The following UPB1 variants were observed in gnomAD, a reference collection of about 807,000 sequenced individuals.
UPB1 encodes beta-ureidopropionase 1.
UPB1 carries 40 observed loss-of-function variants against 49.1 expected under a neutral mutation model. The ratio of observed to expected loss-of-function variants is 0.81; its 90% CI spans 0.63 to 1.06. The LOEUF (loss-of-function observed/expected upper bound fraction) is 1.06, where lower values mean the gene tolerates loss of function less well. Among genes scored for constraint, UPB1 ranks in the 50% least tolerant of loss-of-function variants. The pLI, the probability that UPB1 is intolerant of heterozygous loss-of-function variation, is 0.00. For missense variants in UPB1, 499 were observed against 505.9 expected, an observed-to-expected ratio of 0.99 and a Z score of 0.13; for synonymous variants, 207 against 198.2, an observed-to-expected ratio of 1.04 and a Z score of -0.38.
chr22:24,497,999 C>T (rs1007957069), intron 1 of UPB1, among the ~76,000 whole-genome samples: 6 of 152,140 alleles, frequency 3.9e-5, no homozygotes, highest in South Asian at 2.1e-4. Flanking sequence ...CATCTGGCTG[C>T]GGTCTCTTTC....
intron 6 of UPB1, chr22:24,519,906 GGA>G (rs2044357269): frequency 3.8e-6 from 1 of 262,162 alleles, no homozygotes. Flanking sequence ...GCATTCACCA[GGA>G]GAGGTTCTGC....
intron 9 of UPB1, 77 bp downstream of exon 9, chr22:24,523,850 G>A: frequency 1.9e-6 from 3 of 1,606,346 alleles, no homozygotes; most frequent in Non-Finnish European, 2.5e-6. Flanking sequence ...TGCTGTTGCG[G>A]GGTTGCCCAT....
rs2044492716 is a variant in UPB1, at chr22:24,527,707, C to T, written c.*1913C>T. 2.6e-5 allele frequency: 4 copies of T among 152,092 alleles called. No homozygotes were observed. The South Asian group carries it at 8.3e-4, about 32-fold the overall frequency. 9.4% of individuals were successfully genotyped at this position (152,092 alleles called of 1,614,324 possible). A position where few individuals can be genotyped will look rare whatever the true frequency, so the allele number is the denominator to read the frequency against. On this transcript the variant is annotated 3_prime_UTR_variant, in exon 10 of 10. Transcript: ENST00000326010. ...GGACAGCCACCAAGGATGAGAAACCCTGATGGAGCTGCCTGGCCACAGCTC... is the reference window on the plus strand; with the variant it reads ...GGACAGCCACCAAGGATGAGAAACCTTGATGGAGCTGCCTGGCCACAGCTC...
intron 1 of UPB1, among the ~76,000 whole-genome samples, 178 bp from the exon 2 acceptor site, chr22:24,499,916 GTTCAGTGTAGTGT>G (rs2043959901): frequency 1.3e-5 from 2 of 152,206 alleles, no homozygotes; most frequent in Admixed American, 1.3e-4. Context: ...TAAAGTCCAG[GTTCAGTGTAGTGT>G]TCTGTCATGG....
chr22:24,515,424 C>A, intron 6 of UPB1, 54 bp downstream of exon 6: 1 of 1,612,278 alleles, frequency 6.2e-7, no homozygotes, highest in Non-Finnish European at 8.5e-7. Flanking sequence ...CAGCTAAAGC[C>A]CAAGGCTGGG....
rs916771716 is a variant in UPB1 at position 24,528,204 on chromosome 22, A to G, written c.*2410A>G. On this transcript the variant is annotated 3_prime_UTR_variant, in exon 10 of 10. Coordinates refer to ENST00000326010, the MANE Select transcript of UPB1 (RefSeq NM_016327.3). ...AATACAGAAGCCAGCTTAGGTGACAAATTGGTACATTTGTGAAACAGGCAT... is the reference window on the plus strand; with the variant it reads ...AATACAGAAGCCAGCTTAGGTGACAGATTGGTACATTTGTGAAACAGGCAT... The G allele has an allele frequency of 3.3e-5, 5 of 152,246 alleles. No individual in the cohort carries two copies. Among genetic ancestry groups the G allele is most frequent in the African/African-American group, 1.2e-4 (5 of 41,470 alleles). 9.4% of individuals were successfully genotyped at this position (152,246 alleles called of 1,614,324 possible). A position where few individuals can be genotyped will look rare whatever the true frequency, so the allele number is the denominator to read the frequency against.
chr22:24,505,956 A>C (rs1342519445), intron 3 of UPB1, among the ~76,000 whole-genome samples: 1 of 142,380 alleles, frequency 7.0e-6, no homozygotes, highest in Non-Finnish European at 1.5e-5. Context: ...CAGGTGATCC[A>C]CCCACCTCAG....
At chr22:24,508,144 C>G (rs2044125741) in intron 3 of UPB1, among the ~76,000 whole-genome samples, 2 of 152,190 alleles carry the variant, frequency 1.3e-5, no homozygotes, top group African/African-American at 4.8e-5. Flanking sequence ...CTCGCAGAGG[C>G]CAGTTAAACA....
Position 24,513,340 on chromosome 22 carries a change from A to G in UPB1, c.476A>G (p.Asp159Gly). 6.2e-7 allele frequency: 1 copy of G among 1,614,222 alleles called. No individual in the cohort carries two copies. Among genetic ancestry groups the G allele is most frequent in the Non-Finnish European group, 8.5e-7 (1 of 1,180,042 alleles). Residue 159 changes from aspartate to glycine, a missense_variant, in exon 5 of 10, where the codon GAC becomes GGC. Transcript: ENST00000326010. ...TTTTTCCAGCTGGCGAAGAACCATG[A>G]CATGGTGGTGGTGTCTCCCATCCTG... The part of the protein sequence containing the change: ...RFCQKLAKNH[D>G]MVVVSPILER...
chr22:24,519,166 C>A (rs12159199), intron 6 of UPB1, among the ~76,000 whole-genome samples: 2 of 152,084 alleles, frequency 1.3e-5, no homozygotes, highest in African/African-American at 4.8e-5. Flanking sequence ...GGCTTAGCAG[C>A]TGGGGGAAAA....
intron 3 of UPB1, among the ~76,000 whole-genome samples, chr22:24,510,280 A>G (rs868317873): frequency 6.6e-6 from 1 of 152,114 alleles, no homozygotes; most frequent in African/African-American, 2.4e-5. Flanking sequence ...TCCTATGAGT[A>G]GACGCCTACA....
chr22:24,506,117 T>C (rs1435376058), intron 3 of UPB1, among the ~76,000 whole-genome samples: 2 of 150,978 alleles, frequency 1.3e-5, no homozygotes, highest in African/African-American at 4.9e-5. Flanking sequence ...GCCTCCTGGG[T>C]TCAAAAAATT....
rs997662135 is a variant in UPB1 at position 24,526,131 on chromosome 22, A to G, written c.*337A>G. 15 of 371,686 alleles carry G rather than the reference A, an allele frequency of 4.0e-5. No homozygotes were observed. Among genetic ancestry groups the G allele is most frequent in the Admixed American group, 7.5e-5 (2 of 26,628 alleles). The allele number at this position is 371,686 out of a possible 1,614,324, so 23.0% of individuals were successfully genotyped here. On this transcript the variant is annotated 3_prime_UTR_variant, in exon 10 of 10. Coordinates refer to ENST00000326010, the MANE Select transcript of UPB1 (RefSeq NM_016327.3). ...TGTGCAGGTGGATTTGAGGTTAGGC[A>G]GATGATGCTGTCCATCCCGTACACC... is the stretch of plus-strand genomic sequence containing the variant.
At chr22:24,496,013 G>A (rs1202010679) in intron 1 of UPB1, among the ~76,000 whole-genome samples, 1 of 152,140 alleles carries the variant, frequency 6.6e-6, no homozygotes, top group African/African-American at 2.4e-5. Context: ...TCCACTCCCT[G>A]CAAGCTTGTG....
At chr22:24,521,890 C>T (rs374522112) in intron 7 of UPB1, 96 bp from the exon 8 acceptor site, 21 of 1,325,336 alleles carry the variant, frequency 1.6e-5, no homozygotes, top group South Asian at 2.4e-5. Context: ...ACTCGCCTCT[C>T]GGCCTGATTG....
In UPB1 at chr22:24,500,682, G is replaced by A. The variant is rs569756726; in HGVS notation, c.276+404G>A. On this transcript the variant is annotated intron_variant, in intron 2 of 9. Transcript: ENST00000326010. ...GTGTTCTTCTGCCTTAATCCTCAGG[G>A]CGGGGACTCGCTATACCCAGAAGTC... Among the ~76,000 whole-genome samples, 3 of 152,336 alleles carry A rather than the reference G, an allele frequency of 2.0e-5. No individual in the cohort carries two copies. In the South Asian group the frequency reaches 6.2e-4, roughly 32 times the overall value.
intron 1 of UPB1, among the ~76,000 whole-genome samples, chr22:24,496,545 G>A (rs1289058427): frequency 6.6e-6 from 1 of 152,178 alleles, no homozygotes; most frequent in African/African-American, 2.4e-5. Flanking sequence ...GGTTCCAGGT[G>A]TCAGGATGGA....
chr22:24,499,139 T>A (rs1452852745), intron 1 of UPB1, among the ~76,000 whole-genome samples: 1 of 152,110 alleles, frequency 6.6e-6, no homozygotes, highest in Non-Finnish European at 1.5e-5. Flanking sequence ...GTCAGGGCCG[T>A]CACATGGAAA....
chr22:24,510,991 G>A (rs945793077), intron 4 of UPB1, 148 bp downstream of exon 4: 6 of 771,884 alleles, frequency 7.8e-6, no homozygotes, highest in Non-Finnish European at 1.0e-5. Flanking sequence ...AAGACTATCT[G>A]CCACTTTTTT....
Sources: gnomAD v4.1 joint callset for allele counts (sites outside exome capture counted in the v4.1 genomes callset) on GRCh38, gnomAD v4.1.1 for gene constraint, MANE v1.5 for transcripts, NCBI Gene and HGNC (gene_info 2026-07-23, HGNC 2026-07-21) for gene names.